GSPT1: variants seen among roughly 807,000 people sequenced by gnomAD.
GSPT1 encodes the protein eukaryotic peptide chain release factor GTP-binding subunit ERF3A.
Under a neutral mutation model 72.5 loss-of-function variants are expected in GSPT1, and 20 were observed. The observed-to-expected ratio is 0.28, with a 90% CI of 0.19 to 0.40. The LOEUF (loss-of-function observed/expected upper bound fraction) is 0.40. GSPT1 is among the 10% of genes least tolerant of loss of function. GSPT1 has a pLI of 1.00. For missense variants in GSPT1, 580 were observed against 811.9 expected (o/e 0.71, Z 3.47); for synonymous variants, 334 against 293.5 (o/e 1.14, Z -1.41).
intron 1 of GSPT1, among the ~76,000 whole-genome samples, chr16:11,910,298 C>G (rs2054542193): frequency 6.6e-6 from 1 of 152,160 alleles, no homozygotes; most frequent in African/African-American, 2.4e-5. Flanking sequence ...CTGTTCTCGG[C>G]TTTGAAAGCC....
At chr16:11,914,739 C>T (rs994067415) in intron 1 of GSPT1, among the ~76,000 whole-genome samples, 32 of 152,214 alleles carry the variant, frequency 2.1e-4, no homozygotes, top group African/African-American at 7.0e-4. Flanking sequence ...ACTTTGTAAA[C>T]TTTAGAAGCG....
chr16:11,896,783 C>T lies in GSPT1; in HGVS notation c.439G>A (p.Glu147Lys), dbSNP rs1412607805. The change falls in exon 4 of 15, where the codon GAA (glutamate) becomes AAA (lysine). Residue 147 changes from glutamate to lysine, a missense_variant and splice_region_variant. Glu to Lys is a moderately conservative substitution (Grantham distance 56). Transcript: ENST00000434724. ...VSMELSEPIV[E>K]NGETEMSPEE... ...GGAGACATTTCTGTCTCTCCATTTT[C>T]TACTGAAGAAAGACATTTTAACTTA... 1 of 1,548,396 alleles carries T rather than the reference C, an allele frequency of 6.5e-7. No homozygotes were observed. Among genetic ancestry groups the T allele is most frequent in the Non-Finnish European group, 8.8e-7 (1 of 1,135,434 alleles).
chr16:11,880,670 G>C (rs189969137), intron 11 of GSPT1, among the ~76,000 whole-genome samples: 3 of 152,268 alleles, frequency 2.0e-5, no homozygotes, highest in African/African-American at 7.2e-5. Context: ...AGCAGTGCTA[G>C]GCATTTCTTC....
At chr16:11,910,837 T>C (rs538544791) in intron 1 of GSPT1, among the ~76,000 whole-genome samples, 1 of 152,334 alleles carries the variant, frequency 6.6e-6, no homozygotes, top group Non-Finnish European at 1.5e-5. Flanking sequence ...AGAGGGTTTT[T>C]ACACCAGTCA....
At chr16:11,873,915 G>A (rs33658) in intron 14 of GSPT1, among the ~76,000 whole-genome samples, 150,177 of 152,344 alleles carry the variant, frequency 0.99, 74,058 homozygotes, top group East Asian at 1. Flanking sequence ...TTAAAAATAA[G>A]AAAAGGGAAT....
At chr16:11,887,820 TAAAG>T in intron 6 of GSPT1, 70 bp from the exon 7 acceptor site, 7 of 1,028,546 alleles carry the variant, frequency 6.8e-6, no homozygotes, top group Non-Finnish European at 1.0e-5. Flanking sequence ...TCTTCACCAT[TAAAG>T]ATATAATGGA....
At position 11,896,582 on chromosome 16, in the gene GSPT1, T is replaced by G; in HGVS notation, c.640A>C (p.Asn214His). Residue 214 changes from asparagine (N) to histidine (H), a missense_variant, in exon 4 of 15, where the codon AAT (asparagine) becomes CAT (histidine). Coordinates refer to ENST00000434724, the MANE Select transcript of GSPT1 (RefSeq NM_002094.4). ...PPGAPKKEHV[N>H]VVFIGHVDAG... ...CCTACGTGCCCAATGAATACTACAT[T>G]TACATGCTCTTTCTTAGGAGCACCT... is the stretch of plus-strand genomic sequence containing the variant. 1.2e-6 allele frequency: 2 copies of G among 1,601,976 alleles called. No individual in the cohort carries two copies. Among genetic ancestry groups the G allele is most frequent in the Non-Finnish European group, 1.7e-6 (2 of 1,173,160 alleles).
intron 11 of GSPT1, among the ~76,000 whole-genome samples, chr16:11,879,182 G>T (rs539215541): frequency 1.2e-4 from 18 of 150,798 alleles, no homozygotes; most frequent in African/African-American, 4.4e-4. Flanking sequence ...GGATCACAAG[G>T]TCAGGAGTTC....
Position 11,877,396 on chromosome 16 carries a change from A to C in GSPT1, c.1602+11T>G. On this transcript the variant is annotated intron_variant, in intron 12 of 14. Transcript: ENST00000434724. This position sits in a 1 kb window ranked among gnomAD's most constrained non-coding sequence, Gnocchi z 4.0. ...TAAAACCCACTATGACAACAACAAT[A>C]ATTTGTTTACCTGGGCATCAAATGT... The C allele has an allele frequency of 6.4e-7, 1 of 1,554,522 alleles. No homozygotes were observed.
intron 1 of GSPT1, among the ~76,000 whole-genome samples, chr16:11,909,790 T>G (rs984538736): frequency 2.0e-5 from 3 of 152,104 alleles, no homozygotes; most frequent in African/African-American, 7.2e-5. Flanking sequence ...CTGGGCGTGG[T>G]GGCGGGCACC....
chr16:11,891,664 A>AT lies in GSPT1; in HGVS notation c.699-526dup, dbSNP rs766124475. ...GGCGTGAGCCACCACGCCTGGCCAT[A>AT]TTTTTTTTTTTTTTTTGAGACAGGG... is the stretch of plus-strand genomic sequence containing the variant. On this transcript the variant is annotated intron_variant, in intron 5 of 14. Coordinates refer to ENST00000434724, the MANE Select transcript of GSPT1 (RefSeq NM_002094.4). 1.6e-3 allele frequency among the ~76,000 whole-genome samples: 200 copies of AT among 124,506 alleles called. 2 individuals are homozygous for AT. Among genetic ancestry groups the AT allele is most frequent in the East Asian group, 6.3e-3 (27 of 4,302 alleles). 81.7% of individuals were successfully genotyped at this position (124,506 alleles called of 152,430 possible).
chr16:11,878,563 T>C (rs1042427781), intron 11 of GSPT1, among the ~76,000 whole-genome samples: 4 of 149,198 alleles, frequency 2.7e-5, no homozygotes, highest in Non-Finnish European at 4.4e-5. Context: ...TACCGCACTG[T>C]AGCCTGAGTG....
chr16:11,911,099 TG>T (rs2054551639), intron 1 of GSPT1, among the ~76,000 whole-genome samples: 1 of 152,246 alleles, frequency 6.6e-6, no homozygotes, highest in Admixed American at 6.5e-5. Flanking sequence ...CACCTTTATA[TG>T]AGCACTGTTC....
chr16:11,896,892 T>C (rs2054347292), intron 3 of GSPT1, 107 bp from the exon 4 acceptor site: 2 of 732,522 alleles, frequency 2.7e-6, no homozygotes, highest in Non-Finnish European at 4.5e-6. Flanking sequence ...TGTAGTTCCA[T>C]TTCCTAATGC....
chr16:11,890,993 C>T (rs1251139665), intron 6 of GSPT1, 69 bp downstream of exon 6: 1 of 709,958 alleles, frequency 1.4e-6, no homozygotes, highest in African/African-American at 1.8e-5. Flanking sequence ...TTTTAACAGG[C>T]TCCAAAAGCA....
Position 11,915,940 on chromosome 16 carries a change from T to G in GSPT1, c.-220A>C, listed in dbSNP as rs1305512437. On this transcript the variant is annotated 5_prime_UTR_variant, in exon 1 of 15. Coordinates refer to ENST00000434724, the MANE Select transcript of GSPT1 (RefSeq NM_002094.4). ...GGCGGCGGCGGCAGCTCAACCCTCC[T>G]CCTCGTGTGTGTGAGCGGATCTCCT... The G allele has an allele frequency of 4.0e-6, 3 of 746,562 alleles. No homozygotes were observed. Among genetic ancestry groups the G allele is most frequent in the Admixed American group, 3.5e-5 (2 of 57,736 alleles). 46.2% of individuals were successfully genotyped at this position (746,562 alleles called of 1,614,324 possible). A position where few individuals can be genotyped will look rare whatever the true frequency, so the allele number is the denominator to read the frequency against.
At chr16:11,882,976 A>G in intron 11 of GSPT1, 39 bp downstream of exon 11, 1 of 1,340,246 alleles carries the variant, frequency 7.5e-7, no homozygotes, top group Non-Finnish European at 1.1e-6. Flanking sequence ...AAGAAAAAAA[A>G]TCAATAAATA....
intron 1 of GSPT1, among the ~76,000 whole-genome samples, chr16:11,913,922 T>C (rs949932203): frequency 6.6e-6 from 1 of 152,238 alleles, no homozygotes; most frequent in African/African-American, 2.4e-5. Flanking sequence ...TCAACCGTGC[T>C]GACGTACATA....
chr16:11,906,409 T>G (rs1381074402), intron 1 of GSPT1, among the ~76,000 whole-genome samples: 1 of 152,072 alleles, frequency 6.6e-6, no homozygotes, highest in East Asian at 1.9e-4. Flanking sequence ...GCTAAGAGGG[T>G]TGCTTGAGGC....
Sources: allele counts gnomAD v4.1 joint callset (sites outside exome capture counted in the v4.1 genomes callset), GRCh38; gene constraint gnomAD v4.1.1; non-coding constraint Gnocchi (gnomAD v3.1); transcripts MANE v1.5; gene names NCBI Gene and HGNC (gene_info 2026-07-23, HGNC 2026-07-21).